Variants in STRN observed in about 807,000 individuals in gnomAD.
STRN encodes the protein striatin.
A neutral mutation model predicts 96.3 loss-of-function variants in STRN; 53 were observed. The ratio of observed to expected loss-of-function variants is 0.55; its 90% CI spans 0.44 to 0.69. The LOEUF (loss-of-function observed/expected upper bound fraction) is 0.69, where lower values mean the gene tolerates loss of function less well. Ranked by LOEUF, STRN falls within the 30% of genes least tolerant of loss-of-function variation. The pLI, the probability that STRN is intolerant of heterozygous loss-of-function variation, is 0.00. For synonymous variants in STRN, 428 were observed against 355.9 expected (o/e 1.20, Z -2.28); for missense variants, 987 against 963.9 (o/e 1.02, Z -0.32).
Position 36,849,502 on chromosome 2 carries a change from T to C in STRN, c.2297A>G (p.Tyr766Cys), listed in dbSNP as rs1351463901. 16 of 1,614,060 alleles carry C rather than the reference T, an allele frequency of 9.9e-6. No homozygotes were observed. Among genetic ancestry groups the C allele is most frequent in the African/African-American group, 1.3e-5 (1 of 74,936 alleles). ...HDVAFHPSKC[Y>C]IASAGADALA... ...TGCGTCAGCTCCAGCACTGGCTATA[T>C]AGCATTTGGATGGGTGGAAAGCTAC... The change falls in exon 18 of 18, where the codon TAT becomes TGT. Residue 766 changes from tyrosine to cysteine, a missense_variant. Coordinates refer to ENST00000263918, the MANE Select transcript of STRN (RefSeq NM_003162.4).
intron 2 of STRN, among the ~76,000 whole-genome samples, chr2:36,921,070 T>C (rs1387435063): frequency 6.6e-6 from 1 of 151,402 alleles, no homozygotes; most frequent in Admixed American, 6.6e-5. Context: ...CAAGGCTCTG[T>C]CTCAAAGAAA....
chr2:36,943,883 G>A (rs1320215981), intron 1 of STRN, among the ~76,000 whole-genome samples: 1 of 152,180 alleles, frequency 6.6e-6, no homozygotes, highest in Admixed American at 6.5e-5. Flanking sequence ...TTAAGAGGCA[G>A]AGGTGGGTGG....
In STRN at chr2:36,904,312, A is replaced by G. The variant is rs1370109974; in HGVS notation, c.491+1228T>C. ...CGTAGTCAAAAGTAATAGCTGCTAT[A>G]CATCCACTTTGGAAACCTTGGGTTT... On this transcript the variant is annotated intron_variant, in intron 4 of 17. Transcript: ENST00000263918. Among the ~76,000 whole-genome samples, 5 of 152,322 alleles carry G rather than the reference A, an allele frequency of 3.3e-5. No homozygotes were observed. The East Asian group carries it at 7.7e-4, about 23-fold the overall frequency.
In STRN at chr2:36,837,728, A is replaced by G. The variant is rs1667855064; in HGVS notation, c.*11728T>C. 6.6e-6 allele frequency among the ~76,000 whole-genome samples: 1 copy of G among 152,226 alleles called. No homozygotes were observed. The highest frequency in any genetic ancestry group is 1.5e-5 in the Non-Finnish European group (1 of 68,040). On this transcript the variant is annotated 3_prime_UTR_variant, in exon 18 of 18. Coordinates refer to ENST00000263918, the MANE Select transcript of STRN (RefSeq NM_003162.4). ...TTCAAAAGGCAAAGTTTTATTTGGAAAAAGTACTTTTGAATGTGGTCAACA... is the reference window on the plus strand; with the variant it reads ...TTCAAAAGGCAAAGTTTTATTTGGAGAAAGTACTTTTGAATGTGGTCAACA...
chr2:36,957,569 C>A (rs1433044345), intron 1 of STRN, among the ~76,000 whole-genome samples: 2 of 151,746 alleles, frequency 1.3e-5, no homozygotes, highest in Non-Finnish European at 2.9e-5. Context: ...GCCTGGGTGA[C>A]AGTAAGACCA....
At chr2:36,882,846 C>G (rs1669109923) in intron 9 of STRN, among the ~76,000 whole-genome samples, 1 of 152,130 alleles carries the variant, frequency 6.6e-6, no homozygotes, top group Non-Finnish European at 1.5e-5. Context: ...AAGGAACCAC[C>G]AGGCTCAGCC....
chr2:36,845,915 G>GCACACACACA lies in STRN; in HGVS notation c.*3531_*3540dup, dbSNP rs58278911. 32 of 82,916 alleles carry GCACACACACA rather than the reference G, an allele frequency of 3.9e-4. No individual in the cohort carries two copies. The highest frequency in any genetic ancestry group is 1.3e-3 in the African/African-American group (27 of 20,906). The allele number at this position is 82,916 out of a possible 1,614,324, so 5.1% of individuals were successfully genotyped here. A position where few individuals can be genotyped will look rare whatever the true frequency, so the allele number is the denominator to read the frequency against. On this transcript the variant is annotated 3_prime_UTR_variant, in exon 18 of 18. Coordinates refer to ENST00000263918, the MANE Select transcript of STRN (RefSeq NM_003162.4). ...CACACACACACACACACGCATGCAT[G>GCACACACACA]CACACACACACACACACACACACAC...
chr2:36,938,102 G>A (rs1368514851), intron 1 of STRN, among the ~76,000 whole-genome samples: 1 of 152,128 alleles, frequency 6.6e-6, no homozygotes. Flanking sequence ...GTGTTATCAT[G>A]CAGAAGGAAC....
rs1180783845 is a variant in STRN, at chr2:36,845,423, A to C, written c.*4033T>G. The C allele has an allele frequency of 6.6e-6, 1 of 152,178 alleles. No homozygotes were observed. The highest frequency in any genetic ancestry group is 1.9e-4 in the East Asian group (1 of 5,198). 9.4% of individuals were successfully genotyped at this position (152,178 alleles called of 1,614,324 possible). On this transcript the variant is annotated 3_prime_UTR_variant, in exon 18 of 18. Transcript: ENST00000263918. ...AAAGATTTGCTTCAGTTAAAATGGC[A>C]GCAATGACAAAGAGGTAGATATGAG...
rs1215923535 is a variant in STRN, at chr2:36,886,752, A to G, written c.1006T>C (p.Tyr336His). ...QGVITKLKEQ[Y>H]KKERKGKKGV... ...TTTTTCCCCTTTCTCTCCTTTTTGTATTGTTCCTTGAGTTTGGTAATTACT... is the reference window on the plus strand; with the variant it reads ...TTTTTCCCCTTTCTCTCCTTTTTGTGTTGTTCCTTGAGTTTGGTAATTACT... The change falls in exon 8 of 18, where the codon TAC becomes CAC. Residue 336 changes from tyrosine to histidine, a missense_variant. Tyr to His is a moderately conservative substitution (Grantham distance 83, BLOSUM62 2). Coordinates refer to ENST00000263918, the MANE Select transcript of STRN (RefSeq NM_003162.4). The G allele has an allele frequency of 1.2e-6, 2 of 1,612,478 alleles. No individual in the cohort carries two copies. The highest frequency in any genetic ancestry group is 1.7e-6 in the Non-Finnish European group (2 of 1,179,242).
At chr2:36,882,127 G>C (rs1669088528) in intron 9 of STRN, among the ~76,000 whole-genome samples, 1 of 151,642 alleles carries the variant, frequency 6.6e-6, no homozygotes, top group Non-Finnish European at 1.5e-5. Flanking sequence ...TATTCCAATC[G>C]TGAAAATCTA....
chr2:36,892,432 AAAAC>A (rs1256267483), intron 7 of STRN, among the ~76,000 whole-genome samples: 1 of 152,226 alleles, frequency 6.6e-6, no homozygotes, highest in Non-Finnish European at 1.5e-5. Context: ...GAAAAAGAAA[AAAAC>A]AAACAAAAAA....
At chr2:36,914,684 T>C (rs1480402113) in intron 3 of STRN, among the ~76,000 whole-genome samples, 3 of 152,202 alleles carry the variant, frequency 2.0e-5, no homozygotes, top group Non-Finnish European at 4.4e-5. Flanking sequence ...AGTTCTTTCA[T>C]ACACTGTCAA....
At position 36,848,492 on chromosome 2, in the gene STRN, G is replaced by C. The variant is rs1668137037; in HGVS notation, c.*964C>G. Reference sequence around the variant, plus strand: ...GCACAGATCATCTGAAGCATGATTAGGTGGGTGTTGATAAATGATTATTAG... The same window carrying C: ...GCACAGATCATCTGAAGCATGATTACGTGGGTGTTGATAAATGATTATTAG... On this transcript the variant is annotated 3_prime_UTR_variant, in exon 18 of 18. Coordinates refer to ENST00000263918, the MANE Select transcript of STRN (RefSeq NM_003162.4). 1 of 152,144 alleles carries C rather than the reference G, an allele frequency of 6.6e-6. No homozygotes were observed. The highest frequency in any genetic ancestry group is 1.5e-5 in the Non-Finnish European group (1 of 68,010). 9.4% of individuals were successfully genotyped at this position (152,144 alleles called of 1,614,324 possible).
intron 9 of STRN, among the ~76,000 whole-genome samples, chr2:36,879,463 T>A (rs540592778): frequency 6.6e-6 from 1 of 152,348 alleles, no homozygotes; most frequent in African/African-American, 2.4e-5. Context: ...ACCTGAAATA[T>A]CCTATTTTGT....
At chr2:36,851,665 G>C (rs1443272027) in intron 15 of STRN, among the ~76,000 whole-genome samples, 1 of 152,130 alleles carries the variant, frequency 6.6e-6, no homozygotes, top group Admixed American at 6.5e-5. Flanking sequence ...CTATGGCTTA[G>C]TCTAGAGCCA....
intron 1 of STRN, among the ~76,000 whole-genome samples, chr2:36,943,770 C>A (rs1670908338): frequency 6.6e-6 from 1 of 151,362 alleles, no homozygotes; most frequent in African/African-American, 2.4e-5. Flanking sequence ...TGACACTGCA[C>A]TCCAGCATGG....
At chr2:36,898,305 T>C (rs1200073453) in intron 6 of STRN, among the ~76,000 whole-genome samples, 1 of 152,192 alleles carries the variant, frequency 6.6e-6, no homozygotes, top group African/African-American at 2.4e-5. Flanking sequence ...AAAAGTGTCA[T>C]TGAAATTTAG....
chr2:36,892,942 C>G (rs1669437790), intron 7 of STRN, among the ~76,000 whole-genome samples: 1 of 152,108 alleles, frequency 6.6e-6, no homozygotes. Context: ...ATTGCTTGAA[C>G]CCGGGAACTG....
Sources: allele counts gnomAD v4.1 joint callset (sites outside exome capture counted in the v4.1 genomes callset), GRCh38; gene constraint gnomAD v4.1.1; transcripts MANE v1.5; gene names NCBI Gene and HGNC (gene_info 2026-07-23, HGNC 2026-07-21).